The following KIAA0586 variants were observed in gnomAD, a reference collection of about 807,000 sequenced individuals.
KIAA0586 encodes the protein KIAA0586, also known as protein TALPID3.
Under a neutral mutation model 169.8 loss-of-function variants are expected in KIAA0586, and 144 were observed. The observed-to-expected ratio is 0.85, with a 90% CI of 0.74 to 0.97. KIAA0586 has a LOEUF of 0.97. Among genes scored for constraint, KIAA0586 ranks in the 50% least tolerant of loss-of-function variants. The pLI, the probability that KIAA0586 is intolerant of heterozygous loss-of-function variation, is 0.00. For synonymous variants in KIAA0586, 625 were observed against 612.4 expected (o/e 1.02, Z -0.30); for missense variants, 1,854 against 1,823.0 (o/e 1.02, Z -0.31).
chr14:58,517,346 AT>A (rs2044839181), intron 29 of KIAA0586, among the ~76,000 whole-genome samples: 1 of 152,218 alleles, frequency 6.6e-6, no homozygotes, highest in African/African-American at 2.4e-5. Context: ...CAAAAAAGAA[AT>A]TTGGATGGCA....
intron 4 of KIAA0586, among the ~76,000 whole-genome samples, chr14:58,441,656 C>CA (rs2038385344): frequency 6.6e-6 from 1 of 152,130 alleles, no homozygotes; most frequent in Admixed American, 6.5e-5. Context: ...TTTCTGGAGA[C>CA]AGAGTCTCGC....
chr14:58,463,962 C>G, intron 14 of KIAA0586: 1 of 440,916 alleles, frequency 2.3e-6, no homozygotes, highest in South Asian at 1.7e-5. Flanking sequence ...GACCCCAAGA[C>G]CTTGCAGGAC....
chr14:58,521,660 A>C (rs756395595), intron 29 of KIAA0586: 14 of 1,001,184 alleles, frequency 1.4e-5, no homozygotes, highest in Non-Finnish European at 2.2e-5. Context: ...CCTTCAGGCC[A>C]TTAAGAAGGA....
At chr14:58,476,318 T>A (rs2041619671) in intron 19 of KIAA0586, among the ~76,000 whole-genome samples, 1 of 152,216 alleles carries the variant, frequency 6.6e-6, no homozygotes, top group African/African-American at 2.4e-5. Flanking sequence ...TCTAGAAGTC[T>A]CCTGTTCCCC....
intron 20 of KIAA0586, among the ~76,000 whole-genome samples, chr14:58,480,235 T>A (rs1274862760): frequency 6.6e-6 from 1 of 151,914 alleles, no homozygotes; most frequent in African/African-American, 2.4e-5. Context: ...CTTTTTCAAA[T>A]CCTTGTTTTA....
At position 58,458,609 on chromosome 14, in the gene KIAA0586, A is replaced by G. The variant is rs1476616836; in HGVS notation, c.1656+64A>G. ...CAGAAGATAATATTGATTCCAATTT[A>G]CAGGCATTACATTTGTTTTCAAAAT... On this transcript the variant is annotated intron_variant, in intron 12 of 30. Transcript: ENST00000652326. 4.9e-6 allele frequency: 4 copies of G among 815,014 alleles called. 1 individual carries two copies. Among genetic ancestry groups the G allele is most frequent in the Non-Finnish European group, 7.7e-6 (4 of 520,580 alleles). 50.5% of individuals were successfully genotyped at this position (815,014 alleles called of 1,614,324 possible).
Position 58,467,498 on chromosome 14 carries a change from C to G in KIAA0586, c.2255-237C>G, listed in dbSNP as rs193001056. Among the ~76,000 whole-genome samples the G allele has an allele frequency of 8.3e-3, 1,260 of 152,104 alleles. 15 individuals are homozygous for G. The highest frequency in any genetic ancestry group is 0.024 in the Middle Eastern group (7 of 294). On this transcript the variant is annotated intron_variant, in intron 15 of 30. Coordinates refer to ENST00000652326, the MANE Select transcript of KIAA0586 (RefSeq NM_001329943.3). ...GATAGTATTAATAGCTTTCTATTAG[C>G]CTTTATTTTGAGGTTTAAATTAGAT...
chr14:58,535,067 C>T (rs1343937387), intron 29 of KIAA0586, among the ~76,000 whole-genome samples: 2 of 152,164 alleles, frequency 1.3e-5, no homozygotes, highest in Admixed American at 1.3e-4. Flanking sequence ...CTTCCAACAA[C>T]CTAGATTAGT....
At chr14:58,516,819 C>CA (rs1267918942) in intron 29 of KIAA0586, among the ~76,000 whole-genome samples, 6 of 150,086 alleles carry the variant, frequency 4.0e-5, no homozygotes, top group East Asian at 3.9e-4. Flanking sequence ...ATAGAGAATT[C>CA]AAAAAAAAAG....
chr14:58,512,706 T>C (rs1238090113), intron 29 of KIAA0586, 79 bp downstream of exon 29: 1 of 791,316 alleles, frequency 1.3e-6, no homozygotes, highest in Non-Finnish European at 2.0e-6. Context: ...TTCTTTACTT[T>C]TTATACATCC....
intron 29 of KIAA0586, 173 bp from the exon 30 acceptor site, chr14:58,539,898 T>A: frequency 2.0e-6 from 1 of 497,066 alleles, no homozygotes. Context: ...AAAATTCAGC[T>A]GTTTAACTTC....
chr14:58,439,873 C>T (rs960643001), intron 4 of KIAA0586: 1 of 958,914 alleles, frequency 1.0e-6, no homozygotes. Flanking sequence ...TACTTAGACT[C>T]TCTTAGGGAC....
At chr14:58,443,809 G>A (rs2038621025) in intron 5 of KIAA0586, 145 bp from the exon 6 acceptor site, 2 of 612,722 alleles carry the variant, frequency 3.3e-6, no homozygotes, top group Middle Eastern at 4.4e-4. Flanking sequence ...AAAAATAAAG[G>A]CATTAAATCA....
intron 30 of KIAA0586, among the ~76,000 whole-genome samples, chr14:58,541,176 ACT>A (rs1221088625): frequency 6.6e-6 from 1 of 152,110 alleles, no homozygotes; most frequent in East Asian, 1.9e-4. Context: ...GAAACCACAG[ACT>A]CTCTAGGTAG....
chr14:58,439,914 GT>G (rs2038156781), intron 4 of KIAA0586: 2 of 731,850 alleles, frequency 2.7e-6, no homozygotes, highest in South Asian at 1.2e-4. Flanking sequence ...TCCTTTCATT[GT>G]TTTCTTTGAG....
intron 29 of KIAA0586, among the ~76,000 whole-genome samples, chr14:58,528,442 A>G (rs1389909881): frequency 3.9e-5 from 6 of 152,236 alleles, no homozygotes; most frequent in African/African-American, 1.4e-4. Context: ...AAAATTGACC[A>G]TATAATTGGA....
At chr14:58,508,008 C>G (rs1468779481) in intron 27 of KIAA0586, among the ~76,000 whole-genome samples, 1 of 152,098 alleles carries the variant, frequency 6.6e-6, no homozygotes, top group African/African-American at 2.4e-5. Context: ...TGGTCTCAAA[C>G]TCCTGACCTT....
intron 26 of KIAA0586, among the ~76,000 whole-genome samples, chr14:58,496,611 T>G (rs1315031814): frequency 1.3e-5 from 2 of 152,170 alleles, no homozygotes; most frequent in South Asian, 2.1e-4. Context: ...TAAGGAGAGA[T>G]AGAGATGTAC....
At chr14:58,453,167 C>T (rs2039542803) in intron 8 of KIAA0586, among the ~76,000 whole-genome samples, 183 bp from the exon 9 acceptor site, 1 of 152,006 alleles carries the variant, frequency 6.6e-6, no homozygotes, top group Non-Finnish European at 1.5e-5. Context: ...GATCCACCCA[C>T]CTCAGCCTCC....
Sources: gnomAD v4.1 joint callset for allele counts (sites outside exome capture counted in the v4.1 genomes callset) on GRCh38, gnomAD v4.1.1 for gene constraint, MANE v1.5 for transcripts, NCBI Gene and HGNC (gene_info 2026-07-23, HGNC 2026-07-21) for gene names.